ZEB1: variants seen among roughly 807,000 people sequenced by gnomAD.
The protein encoded by ZEB1 is zinc finger E-box binding homeobox 1, also known as zinc finger E-box-binding homeobox 1.
A neutral mutation model predicts 84.9 loss-of-function variants in ZEB1; 21 were observed. The observed-to-expected ratio is 0.25, with a 90% CI of 0.18 to 0.36. ZEB1 has a LOEUF of 0.36. ZEB1 is among the 10% of genes least tolerant of loss of function. The pLI is 1.00. For synonymous variants in ZEB1, 420 were observed against 471.1 expected (o/e 0.89, Z 1.41); for missense variants, 1,104 against 1,330.2 (o/e 0.83, Z 2.65).
chr10:31,341,535 GAAGGCTAAC>G (rs2039366362), intron 1 of ZEB1, among the ~76,000 whole-genome samples: 1 of 152,158 alleles, frequency 6.6e-6, no homozygotes, highest in African/African-American at 2.4e-5. Context: ...ACTAATGGAG[GAAGGCTAAC>G]AAGGCAGTTA....
At chr10:31,369,918 A>C (rs2045394224) in intron 1 of ZEB1, among the ~76,000 whole-genome samples, 1 of 152,182 alleles carries the variant, frequency 6.6e-6, no homozygotes, top group Admixed American at 6.5e-5. Context: ...GTAAAGTAAT[A>C]ATGCATTGTG....
At position 31,372,650 on chromosome 10, in the gene ZEB1, T is replaced by C. The variant is rs144903478; in HGVS notation, c.58+53358T>C. ...GTTGATGATTTAATAAATATAAATA[T>C]AGATGATACTGTCAGAGTGTTTCCA... On this transcript the variant is annotated intron_variant, in intron 1 of 8. Transcript: ENST00000424869. Among the ~76,000 whole-genome samples the C allele has an allele frequency of 5.8e-3, 876 of 152,148 alleles. 12 individuals carry two copies. The highest frequency in any genetic ancestry group is 0.018 in the African/African-American group (751 of 41,544).
chr10:31,355,002 T>C (rs901542984), intron 1 of ZEB1: 7 of 152,200 alleles, frequency 4.6e-5, no homozygotes, highest in Non-Finnish European at 1.0e-4. Context: ...CAAAGCATTA[T>C]AGTATTTTGT....
intron 1 of ZEB1, among the ~76,000 whole-genome samples, chr10:31,424,341 C>G (rs985993826): frequency 3.3e-5 from 5 of 151,736 alleles, no homozygotes; most frequent in African/African-American, 1.2e-4. Context: ...TGAATAATGC[C>G]CAGAGGCTTA....
chr10:31,352,727 T>C (rs1164239671), intron 1 of ZEB1, among the ~76,000 whole-genome samples: 1 of 152,160 alleles, frequency 6.6e-6, no homozygotes, highest in Non-Finnish European at 1.5e-5. Context: ...ACATGGTAGC[T>C]GGATTCCAAA....
chr10:31,459,645 T>G lies in ZEB1; in HGVS notation c.59-1392T>G, dbSNP rs112524976. ...ATTAATGGCATAACAAAACTTGACG[T>G]TTTTCTTCTGACACAAGATATTGAA... On this transcript the variant is annotated intron_variant, in intron 1 of 8. Coordinates refer to ENST00000424869, the MANE Select transcript of ZEB1 (RefSeq NM_001174096.2). Among the ~76,000 whole-genome samples, 820 of 152,092 alleles carry G rather than the reference T, an allele frequency of 5.4e-3. 8 individuals are homozygous for G. Among genetic ancestry groups the G allele is most frequent in the African/African-American group, 0.017 (718 of 41,518 alleles).
At chr10:31,434,587 A>G (rs2058080631) in intron 1 of ZEB1, among the ~76,000 whole-genome samples, 1 of 152,172 alleles carries the variant, frequency 6.6e-6, no homozygotes, top group African/African-American at 2.4e-5. Context: ...AAACTTTTTG[A>G]AACTTTATGT....
chr10:31,416,050 A>G (rs946685387), intron 1 of ZEB1, among the ~76,000 whole-genome samples: 1 of 152,096 alleles, frequency 6.6e-6, no homozygotes, highest in African/African-American at 2.4e-5. Context: ...AAAATGGTTG[A>G]AACATTTGAA....
At chr10:31,332,624 G>C (rs912022877) in intron 1 of ZEB1, among the ~76,000 whole-genome samples, 1 of 152,018 alleles carries the variant, frequency 6.6e-6, no homozygotes, top group African/African-American at 2.4e-5. Flanking sequence ...ATTCAGGCCT[G>C]GTATATGTTT....
Position 31,520,839 on chromosome 10 carries a change from A to G in ZEB1, c.1507A>G (p.Ser503Gly), listed in dbSNP as rs1428844009. ...AAAAGAAAATCCAGTCGCTACAAAC[A>G]GTTGTAAAAGTGAAAAGTTACCAGA... ...LKKENPVATN[S>G]CKSEKLPEDL... The change falls in exon 7 of 9, where the codon AGT (serine) becomes GGT (glycine). Residue 503 changes from serine to glycine, a missense_variant. By Grantham distance (56) the Ser-to-Gly change is moderately conservative. Transcript: ENST00000424869. The surrounding 1 kb of genome is among the most constrained non-coding windows in gnomAD (Gnocchi z 5.1). 3.1e-6 allele frequency: 5 copies of G among 1,614,134 alleles called. No individual in the cohort carries two copies. Among genetic ancestry groups the G allele is most frequent in the Non-Finnish European group, 4.2e-6 (5 of 1,180,010 alleles).
intron 1 of ZEB1, among the ~76,000 whole-genome samples, chr10:31,377,585 A>T (rs183729192): frequency 6.6e-6 from 1 of 151,882 alleles, no homozygotes; most frequent in Non-Finnish European, 1.5e-5. Context: ...ATTTTGTATA[A>T]TGCCCTTCAA....
chr10:31,469,504 C>T lies in ZEB1; in HGVS notation c.259+8267C>T, dbSNP rs570429835. Reference sequence around the variant, plus strand: ...CCACCCGAATATTGCGCTTTTCTGACGGGCTTAAAAAACGGCACACCACGA... The same window carrying T: ...CCACCCGAATATTGCGCTTTTCTGATGGGCTTAAAAAACGGCACACCACGA... On this transcript the variant is annotated intron_variant, in intron 2 of 8. Coordinates refer to ENST00000424869, the MANE Select transcript of ZEB1 (RefSeq NM_001174096.2). Among the ~76,000 whole-genome samples the T allele has an allele frequency of 3.6e-4, 55 of 151,854 alleles. 1 individual carries two copies. The highest frequency in any genetic ancestry group is 1.1e-3 in the African/African-American group (45 of 41,418).
chr10:31,427,837 CA>C (rs1220936131), intron 1 of ZEB1, among the ~76,000 whole-genome samples: 1 of 148,666 alleles, frequency 6.7e-6, no homozygotes, highest in Non-Finnish European at 1.5e-5. Context: ...CCAGCCTGGG[CA>C]ACTGAGCAAG....
intron 1 of ZEB1, among the ~76,000 whole-genome samples, chr10:31,416,442 A>C (rs1316815363): frequency 2.6e-5 from 4 of 152,128 alleles, no homozygotes; most frequent in African/African-American, 4.8e-5. Flanking sequence ...ATAAGCTCAC[A>C]ATTACCTACA....
intron 2 of ZEB1, among the ~76,000 whole-genome samples, chr10:31,481,027 G>A (rs2064978449): frequency 6.6e-6 from 1 of 151,950 alleles, no homozygotes; most frequent in Non-Finnish European, 1.5e-5. Flanking sequence ...CTCCCCCTAT[G>A]CCTACTACCC....
At chr10:31,469,338 C>A (rs565190267) in intron 2 of ZEB1, among the ~76,000 whole-genome samples, 301 of 152,260 alleles carry the variant, frequency 2.0e-3, no homozygotes, top group Non-Finnish European at 3.7e-3. Context: ...ACAGTGGGCA[C>A]AGGTCAGTGG....
intron 1 of ZEB1, among the ~76,000 whole-genome samples, chr10:31,348,462 G>T (rs939177693): frequency 1.3e-5 from 2 of 152,248 alleles, no homozygotes; most frequent in African/African-American, 2.4e-5. Flanking sequence ...TACTCAGGAG[G>T]CTGAGACAGG....
intron 4 of ZEB1, among the ~76,000 whole-genome samples, chr10:31,510,330 C>T (rs758881769): frequency 1.3e-5 from 2 of 152,192 alleles, no homozygotes; most frequent in Admixed American, 6.5e-5. Context: ...AGACAACCTA[C>T]ATTCTAATTT....
intron 2 of ZEB1, among the ~76,000 whole-genome samples, chr10:31,475,669 A>T (rs2064048361): frequency 6.6e-6 from 1 of 152,148 alleles, no homozygotes; most frequent in African/African-American, 2.4e-5. Context: ...GTCAGACATG[A>T]ATTTTATATC....
Sources: gnomAD v4.1 joint callset for allele counts (sites outside exome capture counted in the v4.1 genomes callset) on GRCh38, gnomAD v4.1.1 for gene constraint, Gnocchi (gnomAD v3.1) non-coding constraint, MANE v1.5 for transcripts, NCBI Gene and HGNC (gene_info 2026-07-23, HGNC 2026-07-21) for gene names.